Variants in PTPRF observed in about 807,000 individuals in gnomAD.
The protein encoded by PTPRF is receptor-type tyrosine-protein phosphatase F.
A neutral mutation model predicts 201.8 loss-of-function variants in PTPRF; 59 were observed. The ratio of observed to expected loss-of-function variants is 0.29; its 90% confidence interval spans 0.24 to 0.36. The LOEUF (loss-of-function observed/expected upper bound fraction) is 0.36, where lower values mean the gene tolerates loss of function less well. PTPRF is among the 10% of genes least tolerant of loss of function. The probability of loss-of-function intolerance (pLI) is 1.00; values close to 1 mark genes in which losing one functional copy is unlikely to be tolerated. For synonymous variants in PTPRF, 1,088 were observed against 1,089.7 expected (o/e 1.00, Z 0.03); for missense variants, 2,132 against 2,690.5 (o/e 0.79, Z 4.59).
intron 7 of PTPRF, among the ~76,000 whole-genome samples, chr1:43,587,267 G>T (rs1397921342): frequency 1.3e-5 from 2 of 152,190 alleles, no homozygotes; most frequent in East Asian, 3.8e-4. Context: ...AGCAGGAATT[G>T]GGGCAGTGGA....
chr1:43,598,708 C>T lies in PTPRF; in HGVS notation c.2120-12C>T, dbSNP rs373866463. ...CTCCAGGCCTGACTTCCTTCTCTAC[C>T]TGACCCCCCAGTGCCCAGCGGGCCT... is the stretch of plus-strand genomic sequence containing the variant. On this transcript the variant is annotated splice_polypyrimidine_tract_variant and intron_variant, in intron 12 of 33. Coordinates refer to ENST00000359947, the MANE Select transcript of PTPRF (RefSeq NM_002840.5). 2 of 1,608,868 alleles carry T rather than the reference C, an allele frequency of 1.2e-6. No individual in the cohort carries two copies. Among genetic ancestry groups the T allele is most frequent in the Non-Finnish European group, 8.5e-7 (1 of 1,176,228 alleles).
intron 22 of PTPRF, among the ~76,000 whole-genome samples, chr1:43,611,418 A>G (rs1207218907): frequency 3.9e-5 from 6 of 152,158 alleles, no homozygotes; most frequent in Admixed American, 2.0e-4. Flanking sequence ...ATGTGCGTCA[A>G]ATTATGAGCA....
intron 16 of PTPRF, among the ~76,000 whole-genome samples, chr1:43,604,394 C>T (rs1048253388): frequency 2.0e-5 from 3 of 152,182 alleles, no homozygotes; most frequent in African/African-American, 7.2e-5. Flanking sequence ...ACCTACTGAC[C>T]TCTGCTGTAT....
At chr1:43,616,263 G>A (rs1277123899) in intron 23 of PTPRF, among the ~76,000 whole-genome samples, 2 of 150,332 alleles carry the variant, frequency 1.3e-5, no homozygotes, top group Non-Finnish European at 3.0e-5. Flanking sequence ...AATTTGAGGA[G>A]GGAATACATG....
At chr1:43,613,510 TC>T in intron 22 of PTPRF, 107 bp from the exon 23 acceptor site, 1 of 912,114 alleles carries the variant, frequency 1.1e-6, no homozygotes. Context: ...TTCCAAGTGC[TC>T]CATGGTCACA....
At chr1:43,530,716 C>T (rs1643355327), upstream of PTPRF, among the ~76,000 whole-genome samples, 1 of 152,088 alleles carries the variant, frequency 6.6e-6, no homozygotes, top group African/African-American at 2.4e-5. The surrounding 1 kb of genome is among the most constrained non-coding windows in gnomAD (Gnocchi z 4.1). Flanking sequence ...AGGTTCCGGT[C>T]GGTTTCGACT....
intron 7 of PTPRF, chr1:43,579,606 G>T (rs928436377): frequency 1.1e-5 from 3 of 272,330 alleles, no homozygotes; most frequent in South Asian, 4.1e-5. Flanking sequence ...ACTGTTTTGG[G>T]GTTTCCAATC....
chr1:43,538,889 T>G (rs1411636800), intron 2 of PTPRF, among the ~76,000 whole-genome samples: 1 of 152,170 alleles, frequency 6.6e-6, no homozygotes, highest in Non-Finnish European at 1.5e-5. Flanking sequence ...TAAGTTGGTT[T>G]AGAGTCAGCA....
chr1:43,604,801 C>G, intron 16 of PTPRF, 102 bp from the exon 17 acceptor site: 2 of 985,030 alleles, frequency 2.0e-6, no homozygotes, highest in Non-Finnish European at 3.2e-6. Flanking sequence ...ACCCCCTGTT[C>G]CCCAACCAGT....
At chr1:43,568,533 G>C (rs1164372911) in intron 5 of PTPRF, among the ~76,000 whole-genome samples, 1 of 152,180 alleles carries the variant, frequency 6.6e-6, no homozygotes, top group Admixed American at 6.5e-5. Context: ...TTACCATCAA[G>C]GTGGGCACTT....
intron 1 of PTPRF, among the ~76,000 whole-genome samples, chr1:43,534,188 G>A (rs1326822003): frequency 6.6e-6 from 1 of 152,228 alleles, no homozygotes; most frequent in Non-Finnish European, 1.5e-5. Context: ...CACTTGTGAA[G>A]TATTCAGAGA....
Position 43,620,973 on chromosome 1 carries a change from C to T in PTPRF, c.5500C>T (p.Pro1834Ser), listed in dbSNP as rs755667245. Residue 1834 changes from proline (P) to serine (S), a missense_variant, in exon 32 of 34, where the codon CCT becomes TCT. By Grantham distance (74) the Pro-to-Ser change is moderately conservative (BLOSUM62 -1). Coordinates refer to ENST00000359947, the MANE Select transcript of PTPRF (RefSeq NM_002840.5). ...CAAGGAGCAGTTTGGACAGGATGGGCCTATCACGGTGCACTGCAGGTGGGA... is the reference window on the plus strand; with the variant it reads ...CAAGGAGCAGTTTGGACAGGATGGGTCTATCACGGTGCACTGCAGGTGGGA... ...KTKEQFGQDG[P>S]ITVHCSAGVG... 2 of 1,613,772 alleles carry T rather than the reference C, an allele frequency of 1.2e-6. No homozygotes were observed. The highest frequency in any genetic ancestry group is 8.5e-7 in the Non-Finnish European group (1 of 1,179,768).
intron 3 of PTPRF, among the ~76,000 whole-genome samples, chr1:43,550,173 G>A (rs939565954): frequency 3.3e-5 from 5 of 152,140 alleles, no homozygotes; most frequent in African/African-American, 1.2e-4. Flanking sequence ...GCAGGGTGCA[G>A]GCTCCTCTCC....
intron 6 of PTPRF, among the ~76,000 whole-genome samples, chr1:43,574,594 ACT>A (rs1366759030): frequency 1.3e-5 from 2 of 151,974 alleles, no homozygotes; most frequent in Admixed American, 6.6e-5. Flanking sequence ...CCTCTGAAAA[ACT>A]CTACGTTCAT....
rs1279183680 is a variant in PTPRF at position 43,591,201 on chromosome 1, C to A, written c.1179C>A (p.Asn393Lys). Residue 393 changes from asparagine (N) to lysine (K), a missense_variant, in exon 9 of 34, where the codon AAC becomes AAA. By Grantham distance (94) the Asn-to-Lys change is moderately conservative. Coordinates refer to ENST00000359947, the MANE Select transcript of PTPRF (RefSeq NM_002840.5). ...ATGCCTTCCGCGTGCTGGCGGTGAA[C>A]AGCATCGGGCGAGGGCCGCCCAGCG... ...SEYAFRVLAV[N>K]SIGRGPPSEA... 1 of 1,607,920 alleles carries A rather than the reference C, an allele frequency of 6.2e-7. No individual in the cohort carries two copies. The highest frequency in any genetic ancestry group is 1.7e-5 in the Admixed American group (1 of 59,924).
chr1:43,605,331 A>G lies in PTPRF; in HGVS notation c.3277A>G (p.Ile1093Val). ...AGGGGGCCTGCAGCACCTGGTGTCC[A>G]TCCGCACAGCCCCCGACCTCCTGCC... Reference protein sequence around the residue: ...SAGGLQHLVSIRTAPDLLPHK... With the variant: ...SAGGLQHLVSVRTAPDLLPHK... The change falls in exon 18 of 34, where the codon ATC becomes GTC. Residue 1093 changes from isoleucine to valine, a missense_variant. Ile to Val is a conservative substitution (Grantham distance 29, BLOSUM62 3). Transcript: ENST00000359947. The G allele has an allele frequency of 6.2e-7, 1 of 1,613,816 alleles. No individual in the cohort carries two copies. The highest frequency in any genetic ancestry group is 8.5e-7 in the Non-Finnish European group (1 of 1,179,958).
At chr1:43,556,463 T>C (rs1289495479) in intron 5 of PTPRF, among the ~76,000 whole-genome samples, 2 of 152,234 alleles carry the variant, frequency 1.3e-5, no homozygotes, top group African/African-American at 4.8e-5. Context: ...GGTTTCACCA[T>C]GTTGGCCAGG....
rs111333339 is a variant in PTPRF at position 43,609,813 on chromosome 1, AC to A, written c.3973+316del. The stretch of plus-strand genomic sequence containing the variant: ...ACCTCCCAGAGCCCACGTCTCTGCC[AC>A]AGGGTGGCCAGTGTCTGGCGCACGC... On this transcript the variant is annotated intron_variant, in intron 22 of 33. Coordinates refer to ENST00000359947, the MANE Select transcript of PTPRF (RefSeq NM_002840.5). Among the ~76,000 whole-genome samples, 693 of 152,338 alleles carry A rather than the reference AC, an allele frequency of 4.5e-3. 8 individuals carry two copies. Among genetic ancestry groups the A allele is most frequent in the African/African-American group, 0.016 (671 of 41,580 alleles).
At chr1:43,579,127 A>G (rs1189479526) in intron 7 of PTPRF, 4 of 708,826 alleles carry the variant, frequency 5.6e-6, no homozygotes, top group African/African-American at 3.5e-5. Context: ...CCTTCCTTGC[A>G]GGCCCATGGG....
Sources: allele counts gnomAD v4.1 joint callset (sites outside exome capture counted in the v4.1 genomes callset), GRCh38; gene constraint gnomAD v4.1.1; non-coding constraint Gnocchi (gnomAD v3.1); transcripts MANE v1.5; gene names NCBI Gene and HGNC (gene_info 2026-07-23, HGNC 2026-07-21).